SLC25A48: variants seen among roughly 807,000 people sequenced by gnomAD.
SLC25A48 encodes the protein solute carrier family 25 member 48.
Under a neutral mutation model 32.2 loss-of-function variants are expected in SLC25A48, and 29 were observed. The ratio of observed to expected loss-of-function variants is 0.90; its 90% CI spans 0.67 to 1.23. SLC25A48 has a LOEUF of 1.23. Ranked by LOEUF, SLC25A48 falls within the 50% of genes most tolerant of loss-of-function variation. The pLI, the probability that SLC25A48 is intolerant of heterozygous loss-of-function variation, is 0.00. For missense variants in SLC25A48, 399 were observed against 422.7 expected (o/e 0.94, Z 0.49); for synonymous variants, 164 against 172.3 (o/e 0.95, Z 0.38).
intron 1 of SLC25A48, among the ~76,000 whole-genome samples, chr5:135,608,016 A>G (rs142869130): frequency 7.6e-5 from 10 of 131,238 alleles, no homozygotes; most frequent in Non-Finnish European, 1.4e-4. Flanking sequence ...ACAGATGTGA[A>G]CATGTGTGTG....
chr5:135,718,762 A>G (rs1754876293), intron 3 of SLC25A48, among the ~76,000 whole-genome samples: 1 of 152,192 alleles, frequency 6.6e-6, no homozygotes, highest in Non-Finnish European at 1.5e-5. Context: ...AGGGTTACTT[A>G]CTGTATGATT....
At chr5:135,688,509 A>AAC (rs762759605) in intron 3 of SLC25A48, among the ~76,000 whole-genome samples, 7 of 152,208 alleles carry the variant, frequency 4.6e-5, no homozygotes, top group Admixed American at 2.6e-4. Context: ...TTGCAGCTTA[A>AAC]ACACACACAC....
chr5:135,841,708 G>T (rs182872394), intron 1 of SLC25A48, among the ~76,000 whole-genome samples: 5,789 of 151,282 alleles, frequency 0.038, 155 homozygotes, highest in African/African-American at 0.069. Context: ...GAGATGTGTG[G>T]GTGGGGGGTA....
intron 2 of SLC25A48, among the ~76,000 whole-genome samples, chr5:135,844,150 G>T (rs754720977): frequency 6.6e-6 from 1 of 152,268 alleles, no homozygotes; most frequent in African/African-American, 2.4e-5. Context: ...CCCAGGCCTG[G>T]CTTCCCTAGC....
intron 3 of SLC25A48, among the ~76,000 whole-genome samples, chr5:135,789,769 C>T (rs1392221233): frequency 2.0e-5 from 3 of 151,900 alleles, no homozygotes; most frequent in Admixed American, 2.0e-4. Flanking sequence ...CTCGATTGTA[C>T]CTTGCGATAT....
intron 3 of SLC25A48, among the ~76,000 whole-genome samples, chr5:135,691,925 C>T (rs893366918): frequency 6.6e-6 from 1 of 152,168 alleles, no homozygotes; most frequent in Non-Finnish European, 1.5e-5. Context: ...GAGCCTTCCT[C>T]TCAACCCTGC....
chr5:135,779,131 G>C (rs950891947), intron 3 of SLC25A48, among the ~76,000 whole-genome samples: 2 of 151,032 alleles, frequency 1.3e-5, no homozygotes, highest in African/African-American at 4.9e-5. Flanking sequence ...CAACATTGCT[G>C]GAAGCGTACA....
At chr5:135,816,269 C>G (rs1178904568) in intron 4 of SLC25A48, among the ~76,000 whole-genome samples, 1 of 152,142 alleles carries the variant, frequency 6.6e-6, no homozygotes, top group Non-Finnish European at 1.5e-5. Context: ...AGAACCAAAC[C>G]ATATCAGATG....
chr5:135,705,817 C>T (rs764147934), intron 3 of SLC25A48, among the ~76,000 whole-genome samples: 1 of 152,148 alleles, frequency 6.6e-6, no homozygotes, highest in Non-Finnish European at 1.5e-5. Context: ...CTAAGCCTTC[C>T]CAGGGTATCG....
chr5:135,759,527 A>G (rs755911008), intron 3 of SLC25A48, among the ~76,000 whole-genome samples: 19 of 152,292 alleles, frequency 1.2e-4, no homozygotes, highest in African/African-American at 4.6e-4. Context: ...TCTTCAGCAC[A>G]TAGTTACTGA....
At chr5:135,882,700 T>C (rs1360139542) in intron 7 of SLC25A48, among the ~76,000 whole-genome samples, 3 of 152,100 alleles carry the variant, frequency 2.0e-5, no homozygotes, top group African/African-American at 7.2e-5. Flanking sequence ...AGTGGCTGGC[T>C]CTCAGACTTG....
intron 1 of SLC25A48, among the ~76,000 whole-genome samples, chr5:135,611,979 A>G (rs1261699846): frequency 6.6e-6 from 1 of 152,252 alleles, no homozygotes; most frequent in African/African-American, 2.4e-5. Flanking sequence ...TAGAAATGTT[A>G]TTAGCATTAA....
chr5:135,715,720 A>G (rs997786248), intron 3 of SLC25A48, among the ~76,000 whole-genome samples: 1 of 152,242 alleles, frequency 6.6e-6, no homozygotes, highest in Non-Finnish European at 1.5e-5. Flanking sequence ...CTCTATGCTA[A>G]TGCCTCCTGA....
chr5:135,785,163 G>A (rs551523398), intron 3 of SLC25A48, among the ~76,000 whole-genome samples: 1 of 152,168 alleles, frequency 6.6e-6, no homozygotes, highest in Non-Finnish European at 1.5e-5. Flanking sequence ...TTCGTAATAT[G>A]TAGGAAGGGA....
chr5:135,707,182 C>G (rs1754535776), intron 3 of SLC25A48, among the ~76,000 whole-genome samples: 1 of 152,126 alleles, frequency 6.6e-6, no homozygotes, highest in African/African-American at 2.4e-5. Context: ...TTCTGTTGGG[C>G]ATGGCCCTGT....
intron 1 of SLC25A48, among the ~76,000 whole-genome samples, chr5:135,586,059 G>T (rs992744519): frequency 3.9e-5 from 6 of 152,146 alleles, no homozygotes; most frequent in African/African-American, 1.4e-4. Flanking sequence ...ACACAAAGTA[G>T]GTTATCCCCA....
chr5:135,861,245 A>C (rs1056137999), intron 4 of SLC25A48, among the ~76,000 whole-genome samples: 4 of 152,168 alleles, frequency 2.6e-5, no homozygotes, highest in Non-Finnish European at 5.9e-5. Flanking sequence ...TTAAAATAGC[A>C]TATAAAATTT....
chr5:135,601,521 A>G (rs1300846119), intron 1 of SLC25A48, among the ~76,000 whole-genome samples: 1 of 152,142 alleles, frequency 6.6e-6, no homozygotes, highest in Non-Finnish European at 1.5e-5. Flanking sequence ...TACAACTCCT[A>G]GGAGAAAGTG....
Position 135,603,450 on chromosome 5 carries a change from C to T in SLC25A48, c.-849+23853C>T, listed in dbSNP as rs926013602. Reference sequence around the variant, plus strand: ...GCTGGCTTTGAGGAGTGTCCCATTCCTCTCATTCAGCCTGAGGGCTGAGTA... The same window carrying T: ...GCTGGCTTTGAGGAGTGTCCCATTCTTCTCATTCAGCCTGAGGGCTGAGTA... On this transcript the variant is annotated intron_variant, in intron 1 of 10. Transcript: ENST00000646290. Among the ~76,000 whole-genome samples, 78 of 152,258 alleles carry T rather than the reference C, an allele frequency of 5.1e-4. 2 individuals are homozygous for T. Among genetic ancestry groups the T allele is most frequent in the Non-Finnish European group, 1.9e-4 (13 of 68,052 alleles).
Sources: gnomAD v4.1 joint callset for allele counts (sites outside exome capture counted in the v4.1 genomes callset) on GRCh38, gnomAD v4.1.1 for gene constraint, MANE v1.5 for transcripts, NCBI Gene and HGNC (gene_info 2026-07-23, HGNC 2026-07-21) for gene names.